CDH4: variants seen among roughly 807,000 people sequenced by gnomAD.
CDH4 encodes the protein cadherin-4.
Under a neutral mutation model 86.0 loss-of-function variants are expected in CDH4, and 33 were observed. The observed-to-expected ratio is 0.38, with a 90% CI of 0.29 to 0.51. The LOEUF (loss-of-function observed/expected upper bound fraction) is 0.51, where lower values mean the gene tolerates loss of function less well. Among genes scored for constraint, CDH4 ranks in the 20% least tolerant of loss-of-function variants. The pLI is 0.86. For missense variants in CDH4, 1,114 were observed against 1,307.4 expected (o/e 0.85, Z 2.28); for synonymous variants, 555 against 549.4 (o/e 1.01, Z -0.14).
chr20:61,588,999 G>C (rs2086498656), intron 2 of CDH4, among the ~76,000 whole-genome samples: 1 of 152,208 alleles, frequency 6.6e-6, no homozygotes, highest in African/African-American at 2.4e-5. Context: ...AATTGTTTTA[G>C]TTGGAGCCGT....
At chr20:61,448,935 A>C (rs540971379) in intron 2 of CDH4, among the ~76,000 whole-genome samples, 5 of 152,216 alleles carry the variant, frequency 3.3e-5, no homozygotes, top group Non-Finnish European at 5.9e-5. Context: ...TTTTGATTAG[A>C]AGCCAGCTGC....
intron 2 of CDH4, among the ~76,000 whole-genome samples, chr20:61,656,886 G>A (rs931096412): frequency 2.6e-5 from 4 of 152,202 alleles, no homozygotes; most frequent in Admixed American, 6.5e-5. Context: ...GGACACAGGT[G>A]CATGTGGAGG....
chr20:61,795,014 G>A (rs1232967727), intron 4 of CDH4, among the ~76,000 whole-genome samples: 1 of 150,698 alleles, frequency 6.6e-6, no homozygotes, highest in Non-Finnish European at 1.5e-5. Context: ...GGATGATGGT[G>A]ATAAAGGTGG....
intron 4 of CDH4, among the ~76,000 whole-genome samples, chr20:61,828,085 T>A (rs1180914783): frequency 6.6e-6 from 1 of 152,150 alleles, no homozygotes; most frequent in Non-Finnish European, 1.5e-5. Flanking sequence ...CCTCATAAAG[T>A]TTTCCACCTG....
chr20:61,357,141 C>T (rs1285976356), intron 2 of CDH4, among the ~76,000 whole-genome samples: 3 of 152,234 alleles, frequency 2.0e-5, no homozygotes, highest in Non-Finnish European at 2.9e-5. Context: ...TGGGAATACA[C>T]TGCTAGGAAG....
chr20:61,874,984 G>A (rs1359980551), intron 7 of CDH4, among the ~76,000 whole-genome samples: 4 of 152,250 alleles, frequency 2.6e-5, no homozygotes, highest in South Asian at 2.1e-4. Flanking sequence ...CACGGCCCTC[G>A]AGCTCTGGGT....
At position 61,521,189 on chromosome 20, in the gene CDH4, A is replaced by G. The variant is rs573740893; in HGVS notation, c.170-222374A>G. Among the ~76,000 whole-genome samples, 15 of 152,212 alleles carry G rather than the reference A, an allele frequency of 9.9e-5. No homozygotes were observed. In the South Asian group the frequency reaches 2.5e-3, roughly 25 times the overall value. On this transcript the variant is annotated intron_variant, in intron 2 of 15. Coordinates refer to ENST00000614565, the MANE Select transcript of CDH4 (RefSeq NM_001794.5). ...TTCCAGCACGTGTGGAGGGCTGCATATTTCTGCAAGTCCCGCTGCTTCTGA... is the reference window on the plus strand; with the variant it reads ...TTCCAGCACGTGTGGAGGGCTGCATGTTTCTGCAAGTCCCGCTGCTTCTGA...
At position 61,928,619 on chromosome 20, in the gene CDH4, G is replaced by A. The variant is rs149865235; in HGVS notation, c.2005+196G>A. ...CACCTGGCCTTGAGGAGGCCACCAAGTCATTCCCAATTTCTTGCTGCTTTA... is the reference window on the plus strand; with the variant it reads ...CACCTGGCCTTGAGGAGGCCACCAAATCATTCCCAATTTCTTGCTGCTTTA... On this transcript the variant is annotated intron_variant, in intron 12 of 15. Transcript: ENST00000614565. Among the ~76,000 whole-genome samples the A allele has an allele frequency of 2.4e-4, 36 of 152,362 alleles. No homozygotes were observed. The East Asian group carries it at 4.4e-3, about 19-fold the overall frequency.
chr20:61,621,901 T>G (rs2086781281), intron 2 of CDH4, among the ~76,000 whole-genome samples: 1 of 152,226 alleles, frequency 6.6e-6, no homozygotes, highest in South Asian at 2.1e-4. Flanking sequence ...AATTTAAAAA[T>G]AAAAACAGAT....
intron 2 of CDH4, among the ~76,000 whole-genome samples, chr20:61,658,363 C>T (rs933678422): frequency 3.9e-5 from 6 of 152,180 alleles, no homozygotes; most frequent in African/African-American, 1.4e-4. Flanking sequence ...TTCCAGATCT[C>T]TCTATTAGAG....
intron 2 of CDH4, among the ~76,000 whole-genome samples, chr20:61,284,667 C>T (rs1600834058): frequency 6.6e-6 from 1 of 152,190 alleles, no homozygotes; most frequent in African/African-American, 2.4e-5. Flanking sequence ...TTCAGGGAAT[C>T]TGTTTTATCC....
intron 2 of CDH4, among the ~76,000 whole-genome samples, chr20:61,484,331 C>A (rs1261305038): frequency 6.6e-6 from 1 of 152,210 alleles, no homozygotes. Context: ...AACTTCTGCC[C>A]ACCGCAACCC....
intron 2 of CDH4, among the ~76,000 whole-genome samples, chr20:61,500,459 A>G (rs1276607512): frequency 1.3e-5 from 2 of 152,164 alleles, no homozygotes; most frequent in African/African-American, 4.8e-5. Context: ...GTGTCTTTCC[A>G]CCTGGGTGGC....
intron 7 of CDH4, among the ~76,000 whole-genome samples, chr20:61,885,267 C>T (rs1049357746): frequency 5.3e-5 from 8 of 152,214 alleles, no homozygotes; most frequent in Admixed American, 5.2e-4. Flanking sequence ...AGGACTCTTC[C>T]ATCACCCCAG....
chr20:61,385,504 G>T (rs900643128), intron 2 of CDH4, among the ~76,000 whole-genome samples: 1 of 152,090 alleles, frequency 6.6e-6, no homozygotes, highest in Admixed American at 6.6e-5. Flanking sequence ...AACGCTTCCT[G>T]TCTGTTCAGC....
intron 2 of CDH4, among the ~76,000 whole-genome samples, chr20:61,589,737 C>T (rs920607915): frequency 6.6e-6 from 1 of 151,834 alleles, no homozygotes; most frequent in African/African-American, 2.4e-5. Flanking sequence ...AGGTATATCT[C>T]CTAATGTTAT....
At chr20:61,271,710 A>G (rs192124587) in intron 2 of CDH4, among the ~76,000 whole-genome samples, 399 of 152,304 alleles carry the variant, frequency 2.6e-3, no homozygotes, top group African/African-American at 9.2e-3. Flanking sequence ...ACCAACCTGG[A>G]GGTTGTGCCT....
chr20:61,835,279 G>A (rs1348996902), intron 4 of CDH4, among the ~76,000 whole-genome samples: 2 of 152,194 alleles, frequency 1.3e-5, no homozygotes. Context: ...TGCCCAGGCT[G>A]GTCTTGAACT....
chr20:61,898,170 C>A (rs1985220172), intron 8 of CDH4, among the ~76,000 whole-genome samples: 1 of 152,208 alleles, frequency 6.6e-6, no homozygotes, highest in Non-Finnish European at 1.5e-5. Context: ...ACGGAGCAGG[C>A]AGAGGGGCCA....
Sources: allele counts gnomAD v4.1 joint callset (sites outside exome capture counted in the v4.1 genomes callset), GRCh38; gene constraint gnomAD v4.1.1; transcripts MANE v1.5; gene names NCBI Gene and HGNC (gene_info 2026-07-23, HGNC 2026-07-21).